Variants in RNF121 observed in about 807,000 individuals in gnomAD.
The protein encoded by RNF121 is E3 ubiquitin ligase RNF121.
A neutral mutation model predicts 46.5 loss-of-function variants in RNF121; 21 were observed. The ratio of observed to expected loss-of-function variants is 0.45; its 90% CI spans 0.32 to 0.65. The LOEUF (loss-of-function observed/expected upper bound fraction) is 0.65. RNF121 is among the 30% of genes least tolerant of loss of function. The pLI, the probability that RNF121 is intolerant of heterozygous loss-of-function variation, is 0.04. For synonymous variants in RNF121, 139 were observed against 144.7 expected, an observed-to-expected ratio of 0.96 and a Z score of 0.28; for missense variants, 346 against 416.0, an observed-to-expected ratio of 0.83 and a Z score of 1.46.
chr11:71,986,264 A>G (rs977203650), intron 4 of RNF121, among the ~76,000 whole-genome samples: 11 of 152,198 alleles, frequency 7.2e-5, no homozygotes, highest in Non-Finnish European at 1.6e-4. Context: ...GGTACAAACA[A>G]CCTGTAGCTC....
intron 1 of RNF121, among the ~76,000 whole-genome samples, chr11:71,950,307 A>G (rs1953841585): frequency 6.6e-6 from 1 of 151,722 alleles, no homozygotes; most frequent in African/African-American, 2.4e-5. Context: ...TGATATAGCC[A>G]GGCACGGTGG....
intron 1 of RNF121, among the ~76,000 whole-genome samples, chr11:71,950,315 T>C (rs528704024): frequency 2.0e-5 from 3 of 152,150 alleles, no homozygotes; most frequent in Non-Finnish European, 4.4e-5. Context: ...CCAGGCACGG[T>C]GGCTCACGCC....
chr11:71,987,450 T>C (rs1004252611), intron 5 of RNF121, among the ~76,000 whole-genome samples: 3 of 152,222 alleles, frequency 2.0e-5, no homozygotes, highest in Admixed American at 1.3e-4. Context: ...CTCGTCAGTG[T>C]GTACTGTTCA....
At chr11:71,964,189 A>T (rs939705187) in intron 3 of RNF121, among the ~76,000 whole-genome samples, 2 of 151,952 alleles carry the variant, frequency 1.3e-5, no homozygotes, top group African/African-American at 4.8e-5. Flanking sequence ...CTCTTTCATC[A>T]ATGTTTTGTA....
At chr11:71,984,745 A>ATTTTTTTT (rs56134788) in intron 4 of RNF121, among the ~76,000 whole-genome samples, 215 of 94,752 alleles carry the variant, frequency 2.3e-3, no homozygotes, top group African/African-American at 4.5e-3. Context: ...CACCCGGCTA[A>ATTTTTTTT]TTTTTTTTTT....
chr11:71,996,576 T>G lies in RNF121; in HGVS notation c.*261T>G, dbSNP rs1479430379. Reference sequence around the variant, plus strand: ...CTTTTTTTATTGTGGAGCATAGGAATTGCCCCCCTCCAGGCTTCACCCTCC... The same window carrying G: ...CTTTTTTTATTGTGGAGCATAGGAAGTGCCCCCCTCCAGGCTTCACCCTCC... On this transcript the variant is annotated 3_prime_UTR_variant, in exon 9 of 9. Coordinates refer to ENST00000361756, the MANE Select transcript of RNF121 (RefSeq NM_018320.5). The G allele has an allele frequency of 9.6e-5, 31 of 322,114 alleles. 1 individual carries two copies. The Admixed American group carries it at 1.4e-3, about 15-fold the overall frequency. 20.0% of individuals were successfully genotyped at this position (322,114 alleles called of 1,614,324 possible).
intron 3 of RNF121, among the ~76,000 whole-genome samples, chr11:71,968,771 AAC>A (rs1182019565): frequency 6.6e-6 from 1 of 152,074 alleles, no homozygotes; most frequent in East Asian, 1.9e-4. Context: ...AACTTTGAAA[AAC>A]AGTTTCAAAC....
At chr11:71,956,923 T>C (rs987148508) in intron 1 of RNF121, among the ~76,000 whole-genome samples, 7 of 152,336 alleles carry the variant, frequency 4.6e-5, no homozygotes, top group African/African-American at 1.7e-4. Flanking sequence ...AGATAAATTT[T>C]CTGTTTACGT....
At chr11:71,960,455 T>G (rs1360653404) in intron 2 of RNF121, among the ~76,000 whole-genome samples, 2 of 152,196 alleles carry the variant, frequency 1.3e-5, no homozygotes, top group African/African-American at 4.8e-5. Context: ...TGGGACCTCC[T>G]TCATGCTACA....
intron 5 of RNF121, among the ~76,000 whole-genome samples, chr11:71,989,011 A>G (rs1954818557): frequency 6.6e-6 from 1 of 152,186 alleles, no homozygotes; most frequent in African/African-American, 2.4e-5. Context: ...TCTAACCTGT[A>G]TGGTTAAAAA....
At chr11:71,973,626 A>G (rs774362061) in intron 3 of RNF121, among the ~76,000 whole-genome samples, 3 of 152,106 alleles carry the variant, frequency 2.0e-5, no homozygotes, top group South Asian at 4.1e-4. Context: ...GTCTCTACTA[A>G]TAATACAAAA....
At chr11:71,962,941 T>A (rs909793835) in intron 3 of RNF121, among the ~76,000 whole-genome samples, 1 of 152,208 alleles carries the variant, frequency 6.6e-6, no homozygotes, top group Non-Finnish European at 1.5e-5. Context: ...GTGGTGTTGA[T>A]TTGTATTTCC....
chr11:71,983,483 C>A (rs1202253921), intron 4 of RNF121, among the ~76,000 whole-genome samples: 1 of 152,246 alleles, frequency 6.6e-6, no homozygotes, highest in African/African-American at 2.4e-5. Flanking sequence ...TTCCAATAAA[C>A]AATACTTCCT....
At chr11:71,972,642 A>G (rs1440155303) in intron 3 of RNF121, among the ~76,000 whole-genome samples, 1 of 151,678 alleles carries the variant, frequency 6.6e-6, no homozygotes, top group Non-Finnish European at 1.5e-5. Flanking sequence ...TAGCATCCCT[A>G]CCCTCTGTCC....
At chr11:71,985,285 A>G (rs1488943969) in intron 4 of RNF121, among the ~76,000 whole-genome samples, 1 of 152,152 alleles carries the variant, frequency 6.6e-6, no homozygotes, top group Non-Finnish European at 1.5e-5. Flanking sequence ...AACATGTATT[A>G]TATACCAGGA....
chr11:71,990,684 A>G lies in RNF121; in HGVS notation c.594A>G (p.Glu198=). 6.2e-7 allele frequency: 1 copy of G among 1,614,220 alleles called. No individual in the cohort carries two copies. The highest frequency in any genetic ancestry group is 8.5e-7 in the Non-Finnish European group (1 of 1,180,032). Residue 198 remains glutamate, a synonymous_variant, in exon 6 of 9, where the codon GAA becomes GAG. Transcript: ENST00000361756. The stretch of plus-strand genomic sequence containing the variant: ...GAGTTCTGGAACGGGACTTTGCAGA[A>G]ATGTGTGCAGACTACATGGCATCTA... ...YYGVLERDFA[E]MCADYMASTI... is the part of the protein sequence containing the mutation.
chr11:71,931,034 A>G (rs1953267216), intron 1 of RNF121, among the ~76,000 whole-genome samples: 1 of 151,976 alleles, frequency 6.6e-6, no homozygotes, highest in Non-Finnish European at 1.5e-5. Context: ...GGGTTTTTCC[A>G]TGTTGGTCAG....
chr11:71,981,522 C>G (rs1396809192), intron 3 of RNF121, among the ~76,000 whole-genome samples: 1 of 152,110 alleles, frequency 6.6e-6, no homozygotes, highest in East Asian at 1.9e-4. Flanking sequence ...ATACCTGCTA[C>G]TCACTGGAGA....
chr11:71,958,263 A>G (rs1954039834), intron 2 of RNF121, among the ~76,000 whole-genome samples: 1 of 152,208 alleles, frequency 6.6e-6, no homozygotes, highest in South Asian at 2.1e-4. Flanking sequence ...TTATATGAAC[A>G]GTGGTTAAAA....
Sources: gnomAD v4.1 joint callset for allele counts (sites outside exome capture counted in the v4.1 genomes callset) on GRCh38, gnomAD v4.1.1 for gene constraint, MANE v1.5 for transcripts, NCBI Gene and HGNC (gene_info 2026-07-23, HGNC 2026-07-21) for gene names.